Variants in PTPRD observed in about 807,000 individuals in gnomAD.
PTPRD encodes protein tyrosine phosphatase receptor type D.
In PTPRD, 34 loss-of-function variants were observed where a neutral mutation model predicts 214.5. That is an observed-to-expected ratio of 0.16 (90% CI 0.12 to 0.21). The LOEUF (loss-of-function observed/expected upper bound fraction) is 0.21. PTPRD is among the 10% of genes least tolerant of loss of function. PTPRD has a pLI of 1.00. For synonymous variants in PTPRD, 1,128 were observed against 845.7 expected (o/e 1.33, Z -5.79); for missense variants, 2,545 against 2,398.7 (o/e 1.06, Z -1.27).
chr9:9,475,230 C>T (rs2094937560), intron 8 of PTPRD, among the ~76,000 whole-genome samples: 1 of 152,120 alleles, frequency 6.6e-6, no homozygotes. Flanking sequence ...ACGAAATCTG[C>T]AATTATGTAG....
At chr9:9,843,770 A>C (rs9407445) in intron 5 of PTPRD, among the ~76,000 whole-genome samples, 2 of 151,740 alleles carry the variant, frequency 1.3e-5, no homozygotes, top group South Asian at 4.1e-4. Context: ...TTGCTGATTA[A>C]ATAATATTAA....
chr9:9,624,564 A>C (rs2095358458), intron 7 of PTPRD, among the ~76,000 whole-genome samples: 1 of 152,086 alleles, frequency 6.6e-6, no homozygotes, highest in African/African-American at 2.4e-5. Context: ...CTAGGATTAC[A>C]GGTATGAGCC....
At chr9:9,722,879 T>C (rs531359365) in intron 7 of PTPRD, among the ~76,000 whole-genome samples, 23 of 152,118 alleles carry the variant, frequency 1.5e-4, no homozygotes, top group Non-Finnish European at 4.4e-5. Context: ...CATTTGCATT[T>C]TTTAAATTGG....
chr9:8,780,443 A>C (rs888176331), intron 11 of PTPRD, among the ~76,000 whole-genome samples: 1 of 152,238 alleles, frequency 6.6e-6, no homozygotes. Flanking sequence ...TAATTTAATC[A>C]GGAGCCTCCT....
intron 9 of PTPRD, among the ~76,000 whole-genome samples, chr9:9,336,669 A>AT (rs527557062): frequency 2.0e-5 from 3 of 152,260 alleles, no homozygotes; most frequent in East Asian, 3.9e-4. Context: ...ATATGCTAAT[A>AT]TTTTTTAAAT....
At chr9:10,275,464 T>C (rs1047634552) in intron 3 of PTPRD, among the ~76,000 whole-genome samples, 12 of 152,128 alleles carry the variant, frequency 7.9e-5, no homozygotes, top group African/African-American at 1.2e-4. Flanking sequence ...GATGTACTTA[T>C]AAATTTATTT....
intron 5 of PTPRD, among the ~76,000 whole-genome samples, chr9:9,909,525 T>C (rs201330467): frequency 1.3e-5 from 2 of 152,028 alleles, no homozygotes; most frequent in South Asian, 2.1e-4. Flanking sequence ...AAATGCATTA[T>C]TGGTTGATAT....
At chr9:8,988,081 G>A (rs781610224) in intron 11 of PTPRD, among the ~76,000 whole-genome samples, 5 of 151,932 alleles carry the variant, frequency 3.3e-5, no homozygotes, top group African/African-American at 4.8e-5. Flanking sequence ...AAATGTAGAT[G>A]CTTCCCAAGA....
chr9:8,531,040 C>A (rs552641828), intron 14 of PTPRD, among the ~76,000 whole-genome samples: 3 of 152,132 alleles, frequency 2.0e-5, no homozygotes, highest in African/African-American at 7.2e-5. Context: ...ACTAAACACA[C>A]TTATAAAAAT....
intron 3 of PTPRD, among the ~76,000 whole-genome samples, chr9:10,090,917 T>TACACACACACAC (rs747128757): frequency 1.1e-4 from 6 of 53,008 alleles, no homozygotes; most frequent in East Asian, 1.1e-3. Context: ...ATAAATGAAA[T>TACACACACACAC]ATACACACAC....
chr9:10,470,614 C>T (rs1588924058), intron 2 of PTPRD, among the ~76,000 whole-genome samples: 1 of 152,030 alleles, frequency 6.6e-6, no homozygotes. Flanking sequence ...GTTGTGGATG[C>T]CCTCCTCTGC....
At chr9:8,601,510 T>TC (rs2094861828) in intron 14 of PTPRD, among the ~76,000 whole-genome samples, 1 of 152,134 alleles carries the variant, frequency 6.6e-6, no homozygotes, top group Non-Finnish European at 1.5e-5. Flanking sequence ...TTCTATGACC[T>TC]CACCCTTGGC....
At chr9:9,611,407 A>T (rs1054034974) in intron 7 of PTPRD, among the ~76,000 whole-genome samples, 1 of 152,186 alleles carries the variant, frequency 6.6e-6, no homozygotes, top group Non-Finnish European at 1.5e-5. Flanking sequence ...AATAAATAGT[A>T]TATAATTGTT....
rs1274650650 is a variant in PTPRD at position 8,317,360 on chromosome 9, C to G, written c.*514G>C. ...GAAGCACAGGTCAGCAGTATCTTTA[C>G]AATACTAAAAAACTAAATCAAGGAC... is the stretch of plus-strand genomic sequence containing the variant. On this transcript the variant is annotated 3_prime_UTR_variant, in exon 46 of 46. Transcript: ENST00000381196. 1 of 232,518 alleles carries G rather than the reference C, an allele frequency of 4.3e-6. No individual in the cohort carries two copies. Among genetic ancestry groups the G allele is most frequent in the Non-Finnish European group, 8.5e-6 (1 of 117,432 alleles). The allele number at this position is 232,518 out of a possible 1,614,324, so 14.4% of individuals were successfully genotyped here.
chr9:8,815,490 T>G (rs763270714), intron 11 of PTPRD, among the ~76,000 whole-genome samples: 2 of 152,166 alleles, frequency 1.3e-5, no homozygotes, highest in African/African-American at 2.4e-5. Flanking sequence ...TGAGCATCCA[T>G]TAGCAGTTAC....
intron 8 of PTPRD, among the ~76,000 whole-genome samples, chr9:9,535,827 G>T (rs1269614625): frequency 2.6e-5 from 4 of 151,848 alleles, no homozygotes; most frequent in Non-Finnish European, 5.9e-5. Flanking sequence ...AATTGTGTGT[G>T]GGGGAGGGGT....
At chr9:10,605,879 T>A (rs2079186737) in intron 2 of PTPRD, among the ~76,000 whole-genome samples, 1 of 151,842 alleles carries the variant, frequency 6.6e-6, no homozygotes. Flanking sequence ...ATTATATGAT[T>A]TATGCTGCCG....
intron 10 of PTPRD, among the ~76,000 whole-genome samples, chr9:9,065,824 C>T (rs1048273314): frequency 2.0e-5 from 3 of 151,978 alleles, no homozygotes; most frequent in African/African-American, 7.3e-5. Flanking sequence ...CTATTTATGC[C>T]ATTAATTAAT....
chr9:8,820,735 A>G (rs187192784), intron 11 of PTPRD, among the ~76,000 whole-genome samples: 2 of 152,260 alleles, frequency 1.3e-5, no homozygotes, highest in East Asian at 3.9e-4. Flanking sequence ...CACCACACAC[A>G]CACACACACT....
Sources: gnomAD v4.1 joint callset for allele counts (sites outside exome capture counted in the v4.1 genomes callset) on GRCh38, gnomAD v4.1.1 for gene constraint, MANE v1.5 for transcripts, NCBI Gene and HGNC (gene_info 2026-07-23, HGNC 2026-07-21) for gene names.